SORCS2: variants seen among roughly 807,000 people sequenced by gnomAD.
The protein encoded by SORCS2 is sortilin related VPS10 domain containing receptor 2, also known as VPS10 domain-containing receptor SorCS2.
In SORCS2, 100 loss-of-function variants were observed where a neutral mutation model predicts 141.6. The observed-to-expected ratio is 0.71, with a 90% CI of 0.60 to 0.83. SORCS2 has a LOEUF of 0.83. Among genes scored for constraint, SORCS2 ranks in the 40% least tolerant of loss-of-function variants. The pLI is 0.00. For missense variants in SORCS2, 1,646 were observed against 1,560.2 expected, an observed-to-expected ratio of 1.05 and a Z score of -0.93; for synonymous variants, 789 against 676.9, an observed-to-expected ratio of 1.17 and a Z score of -2.57.
At chr4:7,196,535 G>A (rs1017837981) in intron 1 of SORCS2, among the ~76,000 whole-genome samples, 5 of 152,038 alleles carry the variant, frequency 3.3e-5, no homozygotes, top group East Asian at 3.9e-4. Flanking sequence ...TGACTTGAAC[G>A]TGAGCTTCCT....
intron 3 of SORCS2, among the ~76,000 whole-genome samples, chr4:7,613,366 G>C (rs16840662): frequency 6.6e-6 from 1 of 152,226 alleles, no homozygotes; most frequent in African/African-American, 2.4e-5. Flanking sequence ...GGGGCTCTGC[G>C]TGGCCAGGTG....
intron 18 of SORCS2, among the ~76,000 whole-genome samples, chr4:7,718,613 A>G (rs1332058335): frequency 1.3e-5 from 2 of 152,230 alleles, no homozygotes; most frequent in African/African-American, 2.4e-5. Flanking sequence ...ATTACTTATA[A>G]TTACACAACC....
At chr4:7,724,351 GTA>G (rs1726888482) in intron 19 of SORCS2, among the ~76,000 whole-genome samples, 13 of 147,376 alleles carry the variant, frequency 8.8e-5, no homozygotes, top group Non-Finnish European at 1.9e-4. Context: ...GATGGTAACA[GTA>G]GTGGTAGTAA....
At chr4:7,697,054 GCA>G in intron 11 of SORCS2, 142 bp from the exon 12 acceptor site, 1 of 652,972 alleles carries the variant, frequency 1.5e-6, no homozygotes, top group South Asian at 1.9e-5. Context: ...GGGCCCCAGC[GCA>G]GCAGCCACAG....
intron 2 of SORCS2, among the ~76,000 whole-genome samples, chr4:7,455,322 TGTGTTGGGGTCAGGCTCC>T (rs1257820160): frequency 3.3e-5 from 2 of 60,698 alleles, no homozygotes; most frequent in African/African-American, 1.7e-4. Flanking sequence ...GGTCAGGCTC[TGTGTTGGGGTCAGGCTCC>T]GTGTTGGGGT....
chr4:7,424,954 G>C (rs1201119936), intron 2 of SORCS2, among the ~76,000 whole-genome samples: 1 of 152,218 alleles, frequency 6.6e-6, no homozygotes, highest in African/African-American at 2.4e-5. Flanking sequence ...GCTGTGCCCC[G>C]GAGGGCCGCG....
intron 14 of SORCS2, among the ~76,000 whole-genome samples, chr4:7,706,941 C>T (rs1209529057): frequency 1.3e-5 from 2 of 152,166 alleles, no homozygotes; most frequent in African/African-American, 4.8e-5. Flanking sequence ...ACCACTGACC[C>T]CTGCTGCTTT....
At chr4:7,194,400 G>A (rs1378253794) in intron 1 of SORCS2, among the ~76,000 whole-genome samples, 3 of 152,220 alleles carry the variant, frequency 2.0e-5, no homozygotes, top group Admixed American at 1.3e-4. Flanking sequence ...TGCTGGAGGA[G>A]GGATGAGGTG....
intron 2 of SORCS2, among the ~76,000 whole-genome samples, chr4:7,481,502 G>A (rs980703390): frequency 2.6e-5 from 4 of 152,226 alleles, no homozygotes; most frequent in Non-Finnish European, 4.4e-5. Context: ...GTCGGCATCC[G>A]GCAGGGATCA....
intron 3 of SORCS2, among the ~76,000 whole-genome samples, chr4:7,563,269 G>A (rs948858237): frequency 1.3e-5 from 2 of 152,038 alleles, no homozygotes; most frequent in Admixed American, 6.6e-5. Context: ...TGCCACCACC[G>A]TGGGCCAGGG....
intron 1 of SORCS2, among the ~76,000 whole-genome samples, chr4:7,300,189 G>A (rs777499538): frequency 2.6e-5 from 4 of 152,150 alleles, no homozygotes; most frequent in African/African-American, 7.2e-5. Context: ...AGGGTGCAAC[G>A]AAGGCACAGT....
intron 4 of SORCS2, among the ~76,000 whole-genome samples, chr4:7,639,989 GTGTGCGAGTGTGAAAGTGCATGTC>G (rs1720559299): frequency 6.6e-6 from 1 of 151,666 alleles, no homozygotes; most frequent in African/African-American, 2.4e-5. Context: ...ATGTGAGCAC[GTGTGCGAGTGTGAAAGTGCATGTC>G]TGTGGGAGTG....
intron 2 of SORCS2, among the ~76,000 whole-genome samples, chr4:7,524,124 C>G (rs1733513707): frequency 6.6e-6 from 1 of 152,232 alleles, no homozygotes; most frequent in Non-Finnish European, 1.5e-5. Flanking sequence ...CCCAAAATCT[C>G]TGTCCACCAG....
At chr4:7,295,709 C>T (rs12509355) in intron 1 of SORCS2, among the ~76,000 whole-genome samples, 57,722 of 152,116 alleles carry the variant, frequency 0.38, 11,172 homozygotes, top group South Asian at 0.47. Flanking sequence ...TTATTGTTGC[C>T]ACCATGTGGG....
chr4:7,729,191 G>C (rs987586913), intron 22 of SORCS2, among the ~76,000 whole-genome samples: 6 of 152,216 alleles, frequency 3.9e-5, no homozygotes, highest in Admixed American at 6.5e-5. Context: ...GAGTGGGAAG[G>C]GGGAGGCAGC....
intron 1 of SORCS2, among the ~76,000 whole-genome samples, chr4:7,260,707 A>C (rs916783849): frequency 6.6e-6 from 1 of 152,184 alleles, no homozygotes; most frequent in African/African-American, 2.4e-5. Flanking sequence ...GTCAGTGGCA[A>C]CTCAGGGTGG....
At chr4:7,489,388 G>A (rs1210712519) in intron 2 of SORCS2, among the ~76,000 whole-genome samples, 2 of 152,166 alleles carry the variant, frequency 1.3e-5, no homozygotes, top group African/African-American at 4.8e-5. Context: ...TCCCTGTGTT[G>A]CTTTTCGAGT....
intron 1 of SORCS2, among the ~76,000 whole-genome samples, chr4:7,365,441 T>C (rs950806143): frequency 6.6e-6 from 1 of 152,062 alleles, no homozygotes; most frequent in Admixed American, 6.5e-5. Context: ...GATGGGGAGC[T>C]GGGACAAGAG....
chr4:7,450,479 A>G (rs990553336), intron 2 of SORCS2, among the ~76,000 whole-genome samples: 14 of 152,200 alleles, frequency 9.2e-5, no homozygotes, highest in African/African-American at 3.4e-4. Flanking sequence ...CTTCTGGGTA[A>G]CTGTGACCCA....
Sources: allele counts gnomAD v4.1 joint callset (sites outside exome capture counted in the v4.1 genomes callset), GRCh38; gene constraint gnomAD v4.1.1; transcripts MANE v1.5; gene names NCBI Gene and HGNC (gene_info 2026-07-23, HGNC 2026-07-21).